Variants in MYO10 observed in about 807,000 individuals in gnomAD.
The protein encoded by MYO10 is unconventional myosin-X.
MYO10 carries 133 observed loss-of-function variants against 257.3 expected under a neutral mutation model. That is an observed-to-expected ratio of 0.52 (90% CI 0.45 to 0.60). MYO10 has a LOEUF of 0.60. MYO10 is among the 20% of genes least tolerant of loss of function. The pLI is 0.00. For missense variants in MYO10, 2,399 were observed against 2,635.7 expected, an observed-to-expected ratio of 0.91 and a Z score of 1.97; for synonymous variants, 1,104 against 1,028.6, an observed-to-expected ratio of 1.07 and a Z score of -1.40.
intron 1 of MYO10, among the ~76,000 whole-genome samples, chr5:16,930,180 A>G (rs1746256102): frequency 6.6e-6 from 1 of 152,158 alleles, no homozygotes; most frequent in African/African-American, 2.4e-5. Flanking sequence ...ACAGAAAGAG[A>G]GCCAGGTTTA....
At position 16,696,460 on chromosome 5, in the gene MYO10, T is replaced by C. The variant is rs144463274; in HGVS notation, c.3557-1846A>G. Among the ~76,000 whole-genome samples the C allele has an allele frequency of 3.5e-3, 528 of 152,360 alleles. 2 individuals are homozygous for C. The highest frequency in any genetic ancestry group is 0.014 in the South Asian group (68 of 4,824). Reference sequence around the variant, plus strand: ...GCATTTACACAATAGCTTTAAGAGATGCCGAAAACTCACCCATTTAACTTC... The same window carrying C: ...GCATTTACACAATAGCTTTAAGAGACGCCGAAAACTCACCCATTTAACTTC... On this transcript the variant is annotated intron_variant, in intron 26 of 40. Transcript: ENST00000513610.
chr5:16,667,161 C>A (rs1325036575), intron 40 of MYO10, among the ~76,000 whole-genome samples: 1 of 152,184 alleles, frequency 6.6e-6, no homozygotes, highest in Non-Finnish European at 1.5e-5. Flanking sequence ...ACAGAGTCCA[C>A]AATTACAGCC....
intron 7 of MYO10, 21 bp downstream of exon 7, chr5:16,780,707 G>C: frequency 6.4e-7 from 1 of 1,565,608 alleles, no homozygotes; most frequent in Non-Finnish European, 8.7e-7. Context: ...AGAAAATGTG[G>C]ATTAAATCAC....
At chr5:16,715,861 G>C (rs1429271435) in intron 19 of MYO10, among the ~76,000 whole-genome samples, 1 of 152,064 alleles carries the variant, frequency 6.6e-6, no homozygotes, top group African/African-American at 2.4e-5. Context: ...TTCGAGACCA[G>C]CCTGACCAAT....
chr5:16,663,454 T>C lies in MYO10; in HGVS notation c.*3238A>G, dbSNP rs1161919697. The stretch of plus-strand genomic sequence containing the variant: ...GCGTCTGAAGTGATAAAATACTTTA[T>C]GCTGGTGCCTCCTCAGTAACAGACA... On this transcript the variant is annotated 3_prime_UTR_variant, in exon 41 of 41. Coordinates refer to ENST00000513610, the MANE Select transcript of MYO10 (RefSeq NM_012334.3). 6.6e-6 allele frequency: 1 copy of C among 151,188 alleles called. No individual in the cohort carries two copies. Among genetic ancestry groups the C allele is most frequent in the Non-Finnish European group, 1.5e-5 (1 of 67,940 alleles). 9.4% of individuals were successfully genotyped at this position (151,188 alleles called of 1,614,324 possible).
chr5:16,756,958 G>C (rs918837686), intron 18 of MYO10, among the ~76,000 whole-genome samples: 30 of 151,502 alleles, frequency 2.0e-4, no homozygotes, highest in African/African-American at 7.3e-4. Context: ...AAAATTAGCC[G>C]GGTATGAAAA....
Position 16,916,241 on chromosome 5 carries a change from AAC to A in MYO10, c.21+19545_21+19546del, listed in dbSNP as rs910334567. 2.5e-5 allele frequency: 11 copies of A among 437,382 alleles called. No individual in the cohort carries two copies. The Admixed American group carries it at 2.7e-4, about 11-fold the overall frequency. 27.1% of individuals were successfully genotyped at this position (437,382 alleles called of 1,614,324 possible). A position where few individuals can be genotyped will look rare whatever the true frequency, so the allele number is the denominator to read the frequency against. ...CACTTAGTAAATTCATTTCACCGTC[AAC>A]AGATAGTGGTGCAGACTCGTGTTCT... On this transcript the variant is annotated intron_variant, in intron 1 of 40. Transcript: ENST00000513610.
chr5:16,927,938 T>A (rs1449376653), intron 1 of MYO10, among the ~76,000 whole-genome samples: 1 of 152,202 alleles, frequency 6.6e-6, no homozygotes, highest in East Asian at 1.9e-4. Context: ...GGAATGCTCT[T>A]GGGAAAACGA....
intron 4 of MYO10, among the ~76,000 whole-genome samples, chr5:16,793,942 A>AG (rs1209806543): frequency 1.4e-4 from 21 of 151,888 alleles, no homozygotes; most frequent in African/African-American, 5.1e-4. Context: ...AAAAAAAAAA[A>AG]AAAGAAATTC....
Position 16,694,413 on chromosome 5 carries a change from C to G in MYO10, c.3758G>C (p.Ser1253Thr). The part of the protein sequence containing the change: ...QSKLMYFEND[S>T]EEKLKGTVEV... ...TACGGTGCCCTTGAGCTTCTCCTCG[C>G]TGTCGTTTTCAAAGTACATCAGCTT... The change falls in exon 27 of 41, where the codon AGC becomes ACC. Residue 1253 changes from serine to threonine, a missense_variant. Ser to Thr is a moderately conservative substitution (Grantham distance 58). Transcript: ENST00000513610. The G allele has an allele frequency of 1.2e-6, 2 of 1,614,038 alleles. No homozygotes were observed. The highest frequency in any genetic ancestry group is 2.2e-5 in the South Asian group (2 of 91,086).
chr5:16,689,686 G>T, intron 28 of MYO10, 138 bp downstream of exon 28: 1 of 661,554 alleles, frequency 1.5e-6, no homozygotes. Context: ...CATCAATCTC[G>T]TATGACTCTT....
At chr5:16,838,390 C>T (rs112496933) in intron 2 of MYO10, among the ~76,000 whole-genome samples, 1 of 152,256 alleles carries the variant, frequency 6.6e-6, no homozygotes, top group Non-Finnish European at 1.5e-5. Context: ...ATAGATCAAA[C>T]CAGCCACAAC....
At chr5:16,837,377 G>C (rs551000618) in intron 2 of MYO10, among the ~76,000 whole-genome samples, 1 of 152,152 alleles carries the variant, frequency 6.6e-6, no homozygotes, top group Non-Finnish European at 1.5e-5. Context: ...GACACAAAAG[G>C]CTATATATTA....
At chr5:16,912,334 A>G (rs1745680611) in intron 1 of MYO10, among the ~76,000 whole-genome samples, 1 of 152,180 alleles carries the variant, frequency 6.6e-6, no homozygotes, top group Non-Finnish European at 1.5e-5. Context: ...GCCTGGCAAC[A>G]CTGAGCCCTA....
intron 21 of MYO10, among the ~76,000 whole-genome samples, chr5:16,709,363 G>A (rs1303455956): frequency 6.6e-6 from 1 of 152,144 alleles, no homozygotes; most frequent in Non-Finnish European, 1.5e-5. Flanking sequence ...GAGTGGGGGT[G>A]CAATCTGGGA....
chr5:16,701,174 C>T lies in MYO10; in HGVS notation c.3221G>A (p.Cys1074Tyr), dbSNP rs1241674031. The T allele has an allele frequency of 1.2e-6, 2 of 1,607,150 alleles. No individual in the cohort carries two copies. The highest frequency in any genetic ancestry group is 1.3e-5 in the African/African-American group (1 of 74,962). The change falls in exon 25 of 41, where the codon TGC (cysteine) becomes TAC (tyrosine). Residue 1074 changes from cysteine (C) to tyrosine (Y), a missense_variant. Cys to Tyr is a radical substitution (Grantham distance 194, BLOSUM62 -2). Coordinates refer to ENST00000513610, the MANE Select transcript of MYO10 (RefSeq NM_012334.3). This position sits in a 1 kb window ranked among gnomAD's most constrained non-coding sequence, Gnocchi z 8.1. ...HNSSSGESTY[C>Y]MPQNAGDLPS... ...CAAGTCCCCAGCGTTCTGGGGCATG[C>T]AGTAGGTGGACTCGCCGCTGGAGGA...
At chr5:16,703,195 G>C (rs936100224) in intron 22 of MYO10, 37 bp from the exon 23 acceptor site, 73 of 1,492,470 alleles carry the variant, frequency 4.9e-5, no homozygotes, top group Non-Finnish European at 6.7e-5. Context: ...CGGCATTGAA[G>C]TAATGAGGCT....
chr5:16,836,285 T>C (rs2126722709), intron 2 of MYO10, among the ~76,000 whole-genome samples: 1 of 152,346 alleles, frequency 6.6e-6, no homozygotes, highest in East Asian at 1.9e-4. Flanking sequence ...TCTTACACTC[T>C]TTCAGTAGAT....
chr5:16,849,539 A>G (rs1045061595), intron 2 of MYO10, among the ~76,000 whole-genome samples: 26 of 152,196 alleles, frequency 1.7e-4, no homozygotes, highest in African/African-American at 6.3e-4. Context: ...ACATTTTCCC[A>G]TATTATGTTA....
Sources: gnomAD v4.1 joint callset for allele counts (sites outside exome capture counted in the v4.1 genomes callset) on GRCh38, gnomAD v4.1.1 for gene constraint, Gnocchi (gnomAD v3.1) non-coding constraint, MANE v1.5 for transcripts, NCBI Gene and HGNC (gene_info 2026-07-23, HGNC 2026-07-21) for gene names.